SHISA9: variants seen among roughly 807,000 people sequenced by gnomAD.
SHISA9 encodes shisa family member 9.
A neutral mutation model predicts 38.0 loss-of-function variants in SHISA9; 13 were observed. That is an observed-to-expected ratio of 0.34 (90% CI 0.22 to 0.54). The LOEUF (loss-of-function observed/expected upper bound fraction) is 0.54, where lower values mean the gene tolerates loss of function less well. SHISA9 is among the 20% of genes least tolerant of loss of function. The probability of loss-of-function intolerance (pLI) is 0.91; values close to 1 mark genes in which losing one functional copy is unlikely to be tolerated. For missense variants in SHISA9, 538 were observed against 575.8 expected, an observed-to-expected ratio of 0.93 and a Z score of 0.67; for synonymous variants, 275 against 242.0, an observed-to-expected ratio of 1.14 and a Z score of -1.27.
At chr16:13,393,337 A>C in the SHISA9 span, among the ~76,000 whole-genome samples, 1 of 152,220 alleles carries the variant, frequency 6.6e-6, no homozygotes, top group Non-Finnish European at 1.5e-5. Context: ...TTCACTTTGC[A>C]CTGGGCCCCC....
chr16:13,333,311 A>C, the SHISA9 span, among the ~76,000 whole-genome samples: 1 of 152,190 alleles, frequency 6.6e-6, no homozygotes, highest in South Asian at 2.1e-4. Flanking sequence ...TTCTTCAGGC[A>C]ATCTGGAGCA....
the SHISA9 span, among the ~76,000 whole-genome samples, chr16:13,417,097 C>T: frequency 6.6e-6 from 1 of 152,144 alleles, no homozygotes; most frequent in Admixed American, 6.5e-5. Context: ...TTGCCGAAGG[C>T]ACCTTTTGGA....
intron 2 of SHISA9, among the ~76,000 whole-genome samples, chr16:13,131,060 C>T (rs1246182364): frequency 6.6e-6 from 1 of 152,064 alleles, no homozygotes; most frequent in Non-Finnish European, 1.5e-5. Context: ...GTGGCGATTC[C>T]TCAGAGATCT....
chr16:13,286,494 G>C, the SHISA9 span, among the ~76,000 whole-genome samples: 1 of 152,092 alleles, frequency 6.6e-6, no homozygotes, highest in African/African-American at 2.4e-5. Flanking sequence ...CATAAAACAG[G>C]CATACAGCTC....
intron 2 of SHISA9, among the ~76,000 whole-genome samples, chr16:12,975,266 C>T (rs1024185789): frequency 2.6e-5 from 4 of 151,944 alleles, no homozygotes; most frequent in African/African-American, 9.7e-5. Flanking sequence ...TGGCTGGGCA[C>T]AGTGGCTCAC....
intron 2 of SHISA9, among the ~76,000 whole-genome samples, chr16:13,017,640 C>A (rs1164793823): frequency 6.6e-6 from 1 of 152,120 alleles, no homozygotes; most frequent in Non-Finnish European, 1.5e-5. Context: ...CATGGATTAT[C>A]TCATTGAATC....
chr16:13,034,162 A>G (rs1041348084), intron 2 of SHISA9, among the ~76,000 whole-genome samples: 1 of 149,692 alleles, frequency 6.7e-6, no homozygotes, highest in Admixed American at 6.6e-5. Context: ...AAAAAAAAAA[A>G]TACCTCCATC....
chr16:13,469,369 G>GAAAGAAAGAAAGAAAAAAA, the SHISA9 span, among the ~76,000 whole-genome samples: 1 of 66,658 alleles, frequency 1.5e-5, no homozygotes, highest in Non-Finnish European at 3.1e-5. Flanking sequence ...AAAAGAAAAA[G>GAAAGAAAGAAAGAAAAAAA]AAAGAAAGAA....
In SHISA9 at chr16:13,231,557, A is replaced by G. The variant is rs548288192; in HGVS notation, c.896-3473A>G. ...AGATTCCTTTTGGCTTTGACATTCC[A>G]TACCTTCAGGTAGCCCTAGAATTTA... On this transcript the variant is annotated intron_variant, in intron 4 of 4. Coordinates refer to ENST00000558583, the MANE Select transcript of SHISA9 (RefSeq NM_001145204.3). 7.9e-5 allele frequency among the ~76,000 whole-genome samples: 12 copies of G among 152,336 alleles called. No individual in the cohort carries two copies. In the East Asian group the frequency reaches 2.1e-3, roughly 27 times the overall value.
chr16:13,204,014 C>A (rs1432312488), intron 3 of SHISA9, among the ~76,000 whole-genome samples: 2 of 152,056 alleles, frequency 1.3e-5, no homozygotes, highest in African/African-American at 4.8e-5. Context: ...CATCTATCTA[C>A]CTACCTATGT....
At chr16:13,039,233 T>G (rs547031646) in intron 2 of SHISA9, among the ~76,000 whole-genome samples, 2 of 152,196 alleles carry the variant, frequency 1.3e-5, no homozygotes, top group African/African-American at 4.8e-5. Flanking sequence ...TTAATCATAA[T>G]GTTAAATATT....
downstream of SHISA9, among the ~76,000 whole-genome samples, chr16:13,244,237 T>C (rs934042431): frequency 3.9e-5 from 6 of 152,206 alleles, no homozygotes; most frequent in Non-Finnish European, 8.8e-5. Flanking sequence ...TCTCGATGTA[T>C]ACTCATGAAA....
At chr16:12,995,520 T>C (rs17239737) in intron 2 of SHISA9, among the ~76,000 whole-genome samples, 3,276 of 152,262 alleles carry the variant, frequency 0.022, 48 homozygotes, top group Non-Finnish European at 0.035. Context: ...TTGAGAGACA[T>C]GGGCCTAAGG....
the SHISA9 span, among the ~76,000 whole-genome samples, chr16:13,341,753 C>A: frequency 6.6e-6 from 1 of 152,146 alleles, no homozygotes. Context: ...TATTCAAAGG[C>A]AAAACTCTCC....
the SHISA9 span, among the ~76,000 whole-genome samples, chr16:13,429,834 A>T: frequency 2.6e-5 from 4 of 152,248 alleles, no homozygotes; most frequent in East Asian, 7.7e-4. Context: ...CGTTTACCAA[A>T]GGATAAACAA....
the SHISA9 span, among the ~76,000 whole-genome samples, chr16:13,304,052 G>C: frequency 1.3e-5 from 2 of 152,062 alleles, no homozygotes; most frequent in Non-Finnish European, 2.9e-5. Context: ...TGTACAAAAG[G>C]TACCATTTCC....
chr16:13,293,089 G>A, the SHISA9 span, among the ~76,000 whole-genome samples: 2 of 152,084 alleles, frequency 1.3e-5, no homozygotes, highest in Non-Finnish European at 2.9e-5. Context: ...CAATCAATGA[G>A]ACAAACAGAT....
At chr16:13,285,636 T>A in the SHISA9 span, among the ~76,000 whole-genome samples, 1 of 152,140 alleles carries the variant, frequency 6.6e-6, no homozygotes, top group Admixed American at 6.5e-5. Context: ...AGATCCCGCT[T>A]TGGGGACCTT....
the SHISA9 span, among the ~76,000 whole-genome samples, chr16:13,462,928 C>G: frequency 6.6e-6 from 1 of 152,008 alleles, no homozygotes; most frequent in Non-Finnish European, 1.5e-5. Context: ...CACCATTGCA[C>G]TCCAGCCTGA....
Sources: allele counts gnomAD v4.1 joint callset (sites outside exome capture counted in the v4.1 genomes callset), GRCh38; gene constraint gnomAD v4.1.1; transcripts MANE v1.5; gene names NCBI Gene and HGNC (gene_info 2026-07-23, HGNC 2026-07-21).